Variants in PDE4D observed in about 807,000 individuals in gnomAD.
The protein encoded by PDE4D is phosphodiesterase 4D.
In PDE4D, 24 loss-of-function variants were observed where a neutral mutation model predicts 87.4. The observed-to-expected ratio is 0.27, with a 90% CI of 0.20 to 0.39. The LOEUF (loss-of-function observed/expected upper bound fraction) is 0.39, where lower values mean the gene tolerates loss of function less well. PDE4D is among the 10% of genes least tolerant of loss of function. The pLI is 1.00. For synonymous variants in PDE4D, 384 were observed against 383.2 expected, an observed-to-expected ratio of 1.00 and a Z score of -0.02; for missense variants, 714 against 1,041.0, an observed-to-expected ratio of 0.69 and a Z score of 4.32.
At chr5:59,656,554 AG>A (rs1744393194) in intron 1 of PDE4D, among the ~76,000 whole-genome samples, 1 of 152,206 alleles carries the variant, frequency 6.6e-6, no homozygotes, top group African/African-American at 2.4e-5. Flanking sequence ...GGGGAAAGAA[AG>A]TAGGGGTCCC....
intron 1 of PDE4D, among the ~76,000 whole-genome samples, chr5:60,275,908 G>T (rs1037989628): frequency 6.6e-6 from 1 of 151,870 alleles, no homozygotes; most frequent in Non-Finnish European, 1.5e-5. Context: ...GAAGTCTGTT[G>T]TTGTTTAGTT....
intron 2 of PDE4D, among the ~76,000 whole-genome samples, chr5:60,040,041 C>T (rs914122840): frequency 6.6e-6 from 1 of 152,166 alleles, no homozygotes; most frequent in Non-Finnish European, 1.5e-5. Flanking sequence ...GAAACACTTC[C>T]TTTTCAATTT....
In PDE4D at chr5:59,108,024, G is replaced by C. The variant is rs574131688; in HGVS notation, c.809-69053C>G. 2.6e-5 allele frequency among the ~76,000 whole-genome samples: 4 copies of C among 152,330 alleles called. No individual in the cohort carries two copies. In the South Asian group the frequency reaches 8.3e-4, roughly 32 times the overall value. On this transcript the variant is annotated intron_variant, in intron 5 of 14. Transcript: ENST00000340635. ...CTGGAGTGACTGCAGCCATATTGGG[G>C]ACCATGGGTAAGACCAGCAGGACTG...
intron 5 of PDE4D, among the ~76,000 whole-genome samples, chr5:59,166,592 A>G (rs1228621492): frequency 6.6e-6 from 1 of 152,218 alleles, no homozygotes; most frequent in Non-Finnish European, 1.5e-5. Flanking sequence ...ACACATTGCC[A>G]TCATTGTAAT....
intron 2 of PDE4D, among the ~76,000 whole-genome samples, chr5:60,015,626 C>T (rs1372384059): frequency 1.3e-5 from 2 of 152,036 alleles, no homozygotes; most frequent in East Asian, 3.8e-4. Context: ...TCTATATTGC[C>T]GTGAAACTAT....
intron 1 of PDE4D, among the ~76,000 whole-genome samples, chr5:60,257,920 C>T (rs373351800): frequency 2.8e-4 from 42 of 151,976 alleles, no homozygotes; most frequent in African/African-American, 9.4e-4. Flanking sequence ...CGAGCTGTTG[C>T]GACACTTAAC....
intron 1 of PDE4D, among the ~76,000 whole-genome samples, chr5:60,320,181 G>C (rs1048966421): frequency 6.6e-6 from 1 of 152,228 alleles, no homozygotes; most frequent in Non-Finnish European, 1.5e-5. Context: ...CTGGGCAATG[G>C]CGGGAGCCCC....
chr5:59,894,038 C>T (rs1234943147), upstream of PDE4D, among the ~76,000 whole-genome samples: 1 of 152,162 alleles, frequency 6.6e-6, no homozygotes, highest in East Asian at 1.9e-4. Flanking sequence ...CAGTGGTAGC[C>T]GCCTCCAGGG....
At chr5:59,226,636 ATTATG>A (rs1225604029) in intron 1 of PDE4D, among the ~76,000 whole-genome samples, 1 of 149,176 alleles carries the variant, frequency 6.7e-6, no homozygotes, top group Non-Finnish European at 1.5e-5. Context: ...TAGATCTCAT[ATTATG>A]TGTCTTTGTT....
At chr5:59,049,497 T>G (rs191202040) in intron 5 of PDE4D, among the ~76,000 whole-genome samples, 10 of 152,280 alleles carry the variant, frequency 6.6e-5, no homozygotes, top group African/African-American at 2.2e-4. Context: ...CTTACTGAAG[T>G]GAAATATTAA....
At chr5:59,920,067 A>G (rs555048052) in intron 3 of PDE4D, among the ~76,000 whole-genome samples, 14 of 152,350 alleles carry the variant, frequency 9.2e-5, no homozygotes, top group Middle Eastern at 3.4e-3. Flanking sequence ...CACTAAAACC[A>G]TAAGTAAAAT....
At chr5:60,040,415 G>T (rs1191941160) in intron 2 of PDE4D, among the ~76,000 whole-genome samples, 1 of 152,138 alleles carries the variant, frequency 6.6e-6, no homozygotes. Flanking sequence ...CCTCCAGGTT[G>T]GGTGGAAATT....
At chr5:60,347,275 C>A (rs900958578) in intron 1 of PDE4D, among the ~76,000 whole-genome samples, 1 of 152,034 alleles carries the variant, frequency 6.6e-6, no homozygotes, top group Non-Finnish European at 1.5e-5. Flanking sequence ...GTTCAAAAAA[C>A]AGAGAGGGCC....
At chr5:60,440,900 G>T (rs1180296982) in intron 1 of PDE4D, among the ~76,000 whole-genome samples, 1 of 152,064 alleles carries the variant, frequency 6.6e-6, no homozygotes, top group East Asian at 1.9e-4. Flanking sequence ...GAAGTAGTGG[G>T]ACCAGGATCA....
At chr5:59,677,232 T>TG (rs1258097074) in intron 1 of PDE4D, among the ~76,000 whole-genome samples, 5 of 152,086 alleles carry the variant, frequency 3.3e-5, no homozygotes, top group Non-Finnish European at 5.9e-5. Flanking sequence ...AGGCAAATGC[T>TG]GGGGGGAACA....
chr5:59,609,995 G>A (rs533567085), intron 1 of PDE4D, among the ~76,000 whole-genome samples: 5 of 152,152 alleles, frequency 3.3e-5, no homozygotes, highest in Non-Finnish European at 7.3e-5. Context: ...GAGCAAGAAG[G>A]GAGATGTACT....
chr5:60,441,004 C>G (rs1458501155), intron 1 of PDE4D, among the ~76,000 whole-genome samples: 1 of 151,964 alleles, frequency 6.6e-6, no homozygotes, highest in East Asian at 1.9e-4. Context: ...GATCTTTGAG[C>G]AAGAATGTGG....
At chr5:59,355,563 A>G (rs1195056804) in intron 1 of PDE4D, among the ~76,000 whole-genome samples, 1 of 152,236 alleles carries the variant, frequency 6.6e-6, no homozygotes, top group Admixed American at 6.5e-5. Flanking sequence ...CATAGGAAGC[A>G]TATAATTTAA....
chr5:59,550,984 C>A (rs891632711), intron 1 of PDE4D, among the ~76,000 whole-genome samples: 1 of 152,114 alleles, frequency 6.6e-6, no homozygotes, highest in African/African-American at 2.4e-5. Context: ...GCGTGAGCCA[C>A]CCCACCTGGA....
Sources: allele counts gnomAD v4.1 joint callset (sites outside exome capture counted in the v4.1 genomes callset), GRCh38; gene constraint gnomAD v4.1.1; transcripts MANE v1.5; gene names NCBI Gene and HGNC (gene_info 2026-07-23, HGNC 2026-07-21).